DLC1: variants seen among roughly 807,000 people sequenced by gnomAD.
DLC1 encodes the protein rho GTPase-activating protein 7.
A neutral mutation model predicts 140.3 loss-of-function variants in DLC1; 54 were observed. That is an observed-to-expected ratio of 0.38 (90% confidence interval 0.31 to 0.48). The LOEUF (loss-of-function observed/expected upper bound fraction) is 0.48, where lower values mean the gene tolerates loss of function less well. Ranked by LOEUF, DLC1 falls within the 20% of genes least tolerant of loss-of-function variation. The pLI is 0.96. For synonymous variants in DLC1, 986 were observed against 728.1 expected (o/e 1.35, Z -5.70); for missense variants, 2,536 against 1,907.0 (o/e 1.33, Z -6.14).
At chr8:13,097,397 G>C (rs1273239796) in intron 10 of DLC1, among the ~76,000 whole-genome samples, 1 of 152,022 alleles carries the variant, frequency 6.6e-6, no homozygotes, top group African/African-American at 2.4e-5. Flanking sequence ...CTGAGTAGAT[G>C]GGATTACAGG....
chr8:13,477,664 GA>G (rs1358998528), intron 2 of DLC1, among the ~76,000 whole-genome samples: 3 of 152,196 alleles, frequency 2.0e-5, no homozygotes, highest in Non-Finnish European at 4.4e-5. Flanking sequence ...ACTGGATCCA[GA>G]GAGATGGCAA....
chr8:13,317,900 C>T (rs1008829736), intron 4 of DLC1, among the ~76,000 whole-genome samples: 2 of 152,142 alleles, frequency 1.3e-5, no homozygotes, highest in African/African-American at 2.4e-5. Flanking sequence ...TGGTAAGTTG[C>T]TTCTGTGACA....
chr8:13,237,703 G>T (rs1829352743), intron 5 of DLC1, among the ~76,000 whole-genome samples: 1 of 152,014 alleles, frequency 6.6e-6, no homozygotes. Context: ...ATGAGAGGAT[G>T]CACATATGCT....
At chr8:13,560,500 T>C (rs1240292362) in intron 1 of DLC1, among the ~76,000 whole-genome samples, 1 of 152,168 alleles carries the variant, frequency 6.6e-6, no homozygotes, top group Admixed American at 6.5e-5. Context: ...CGATTTTATT[T>C]TTCTCACTTA....
chr8:13,537,252 G>C (rs986547845), intron 1 of DLC1, among the ~76,000 whole-genome samples: 1 of 152,170 alleles, frequency 6.6e-6, no homozygotes, highest in Non-Finnish European at 1.5e-5. Flanking sequence ...AACAGATCAA[G>C]AATCACGTTT....
intron 2 of DLC1, among the ~76,000 whole-genome samples, chr8:13,471,647 T>A (rs1800214091): frequency 6.6e-6 from 1 of 151,460 alleles, no homozygotes; most frequent in African/African-American, 2.4e-5. Context: ...CGAGTTTACC[T>A]ATGTAACAAA....
chr8:13,099,664 T>C lies in DLC1; in HGVS notation c.2673A>G (p.Ser891=), dbSNP rs998096728. 1.9e-6 allele frequency: 3 copies of C among 1,614,182 alleles called. No homozygotes were observed. Among genetic ancestry groups the C allele is most frequent in the East Asian group, 2.2e-5 (1 of 44,874 alleles). Residue 891 remains serine (S), a synonymous_variant, in exon 9 of 18, where the codon TCA becomes TCG. Transcript: ENST00000276297. ...CGTTCTCCAGATCCGCCAGGTCCCC[T>C]GAACTGGAGTAGAGGATGGAGCCCG... ...NVPGSILYSS[S]GDLADLENED...
chr8:13,507,209 C>A (rs889059673), intron 1 of DLC1, among the ~76,000 whole-genome samples: 3 of 152,184 alleles, frequency 2.0e-5, no homozygotes, highest in African/African-American at 7.2e-5. Context: ...TGGGCGCCTT[C>A]CCACTGGCAC....
At chr8:13,132,537 C>G (rs1363971857) in intron 5 of DLC1, among the ~76,000 whole-genome samples, 1 of 152,100 alleles carries the variant, frequency 6.6e-6, no homozygotes, top group Non-Finnish European at 1.5e-5. Flanking sequence ...GACAGGAGAT[C>G]AGTACGAGCG....
At chr8:13,523,905 G>C (rs1349548455) in intron 1 of DLC1, among the ~76,000 whole-genome samples, 1 of 151,486 alleles carries the variant, frequency 6.6e-6, no homozygotes, top group Non-Finnish European at 1.5e-5. Context: ...AGGGGAGAAA[G>C]TATAGAAATG....
At chr8:13,224,211 G>A (rs571737343) in intron 5 of DLC1, among the ~76,000 whole-genome samples, 191 of 152,236 alleles carry the variant, frequency 1.3e-3, no homozygotes, top group African/African-American at 4.5e-3. Context: ...TGGGAAAAAA[G>A]AATTAAAATT....
At chr8:13,544,877 G>T (rs28686984) in intron 1 of DLC1, among the ~76,000 whole-genome samples, 19,247 of 152,076 alleles carry the variant, frequency 0.13, 1,414 homozygotes, top group Middle Eastern at 0.23. Context: ...CTTAAATAAA[G>T]AATTTGATCT....
At chr8:13,590,385 G>T (rs1243292277) in intron 1 of DLC1, among the ~76,000 whole-genome samples, 2 of 152,034 alleles carry the variant, frequency 1.3e-5, no homozygotes, top group African/African-American at 4.8e-5. Context: ...GTATTTAGAA[G>T]TGAGCAGTGT....
intron 1 of DLC1, among the ~76,000 whole-genome samples, chr8:13,565,203 C>G (rs1487618847): frequency 6.6e-6 from 1 of 152,104 alleles, no homozygotes; most frequent in Non-Finnish European, 1.5e-5. Context: ...ATATCTCCTT[C>G]TAGGATAAAG....
intron 1 of DLC1, among the ~76,000 whole-genome samples, chr8:13,546,120 G>A (rs1362872515): frequency 1.3e-5 from 2 of 151,946 alleles, no homozygotes; most frequent in Non-Finnish European, 2.9e-5. Context: ...ATCTTGTAAG[G>A]GATATGCTAT....
intron 1 of DLC1, among the ~76,000 whole-genome samples, chr8:13,590,919 G>C (rs1416233931): frequency 6.6e-6 from 1 of 152,040 alleles, no homozygotes; most frequent in Non-Finnish European, 1.5e-5. Context: ...GAAAAGGAAT[G>C]ACAAAATCAA....
At chr8:13,471,591 C>G (rs1490767980) in intron 2 of DLC1, among the ~76,000 whole-genome samples, 1 of 151,554 alleles carries the variant, frequency 6.6e-6, no homozygotes, top group African/African-American at 2.4e-5. Context: ...GTACAAGGCT[C>G]AATACCTGGG....
intron 1 of DLC1, among the ~76,000 whole-genome samples, chr8:13,578,513 C>G (rs1229194238): frequency 6.6e-6 from 1 of 152,062 alleles, no homozygotes; most frequent in African/African-American, 2.4e-5. Flanking sequence ...GAGCTCAGTC[C>G]TACAAGGCTG....
intron 5 of DLC1, among the ~76,000 whole-genome samples, chr8:13,215,051 C>T (rs1438430779): frequency 1.3e-5 from 2 of 152,058 alleles, no homozygotes; most frequent in African/African-American, 4.8e-5. Context: ...TAGAGGCTAC[C>T]ATGTGCTGGG....
Sources: gnomAD v4.1 joint callset for allele counts (sites outside exome capture counted in the v4.1 genomes callset) on GRCh38, gnomAD v4.1.1 for gene constraint, MANE v1.5 for transcripts, NCBI Gene and HGNC (gene_info 2026-07-23, HGNC 2026-07-21) for gene names.